Variants in HMGB1 observed in about 807,000 individuals in gnomAD.
HMGB1 encodes the protein high mobility group box 1.
For synonymous variants in HMGB1, 81 were observed against 84.0 expected (o/e 0.96, Z 0.19); for missense variants, 79 against 253.5 (o/e 0.31, Z 4.67).
intron 1 of HMGB1, among the ~76,000 whole-genome samples, chr13:30,480,009 C>T (rs1176255105): frequency 6.6e-6 from 1 of 152,240 alleles, no homozygotes; most frequent in East Asian, 1.9e-4. Flanking sequence ...TCAAACTGGA[C>T]CTTGTACTTT....
chr13:30,594,408 T>A (rs1297541701), intron 1 of HMGB1, among the ~76,000 whole-genome samples: 9 of 152,146 alleles, frequency 5.9e-5, no homozygotes, highest in African/African-American at 4.8e-5. Context: ...GTTCCCAGTG[T>A]CTACTGTTCC....
intron 1 of HMGB1, chr13:30,464,686 G>C: frequency 7.3e-6 from 7 of 963,560 alleles, no homozygotes; most frequent in Non-Finnish European, 8.6e-6. Flanking sequence ...GCACGGAATG[G>C]CCGCTGCGCG....
chr13:30,527,008 G>A (rs977820060), intron 1 of HMGB1, among the ~76,000 whole-genome samples: 1 of 152,212 alleles, frequency 6.6e-6, no homozygotes, highest in Non-Finnish European at 1.5e-5. Flanking sequence ...CTGCAGCTAC[G>A]CAGGCTCCTT....
chr13:30,612,533 T>C (rs557708001), intron 1 of HMGB1, among the ~76,000 whole-genome samples: 270 of 152,344 alleles, frequency 1.8e-3, no homozygotes, highest in African/African-American at 6.3e-3. Context: ...ATCCTCCAAC[T>C]TTCCATTTTT....
intron 1 of HMGB1, among the ~76,000 whole-genome samples, chr13:30,489,664 C>T (rs142372467): frequency 3.3e-5 from 5 of 152,050 alleles, no homozygotes; most frequent in Admixed American, 3.3e-4. Context: ...CACTGGGTCA[C>T]TCACTTCTGA....
intron 1 of HMGB1, among the ~76,000 whole-genome samples, chr13:30,595,394 A>G (rs1354388401): frequency 1.3e-5 from 2 of 152,212 alleles, no homozygotes; most frequent in African/African-American, 4.8e-5. Flanking sequence ...TGAAGGCTGT[A>G]ACGACTTCTG....
At position 30,555,288 on chromosome 13, in the gene HMGB1, G is replaced by A. The variant is rs191448158; in HGVS notation, c.-15+61383C>T. On this transcript the variant is annotated intron_variant, in intron 1 of 4. Transcript: ENST00000405805. The stretch of plus-strand genomic sequence containing the variant: ...GATCTCCTGACCTCGTGATCCGCCC[G>A]CCTCGGCCTCCCAAAATGCTGGGAT... Among the ~76,000 whole-genome samples, 8 of 152,060 alleles carry A rather than the reference G, an allele frequency of 5.3e-5. No homozygotes were observed. In the East Asian group the frequency reaches 1.2e-3, roughly 22 times the overall value.
At chr13:30,476,432 C>A (rs1887100334) in intron 1 of HMGB1, among the ~76,000 whole-genome samples, 1 of 152,116 alleles carries the variant, frequency 6.6e-6, no homozygotes, top group Non-Finnish European at 1.5e-5. Flanking sequence ...AGCCATCGCG[C>A]CCAGCCAGCA....
chr13:30,607,872 T>C (rs146861702), intron 1 of HMGB1, among the ~76,000 whole-genome samples: 1 of 152,324 alleles, frequency 6.6e-6, no homozygotes, highest in African/African-American at 2.4e-5. Context: ...ATTGGGATAT[T>C]AGACATTACT....
intron 1 of HMGB1, among the ~76,000 whole-genome samples, chr13:30,517,186 C>T (rs1433918517): frequency 6.6e-6 from 1 of 152,178 alleles, no homozygotes. Flanking sequence ...AGGTTGCTGG[C>T]CCCTGCCACC....
chr13:30,506,918 ATG>A (rs765974805), intron 1 of HMGB1, among the ~76,000 whole-genome samples: 13 of 152,094 alleles, frequency 8.5e-5, no homozygotes, highest in Non-Finnish European at 1.6e-4. Flanking sequence ...TGCTCAGGAA[ATG>A]TGTGTCAGAA....
chr13:30,518,188 A>AG (rs1323979747), intron 1 of HMGB1, among the ~76,000 whole-genome samples: 1 of 151,986 alleles, frequency 6.6e-6, no homozygotes, highest in African/African-American at 2.4e-5. Context: ...AAATAAAAAA[A>AG]TAGCTGGGTG....
chr13:30,563,975 G>T (rs1305511103), intron 1 of HMGB1, among the ~76,000 whole-genome samples: 1 of 152,120 alleles, frequency 6.6e-6, no homozygotes, highest in African/African-American at 2.4e-5. Context: ...AACCTATCTT[G>T]CTTTTCAATA....
At chr13:30,607,850 T>A (rs1349312566) in intron 1 of HMGB1, among the ~76,000 whole-genome samples, 1 of 152,202 alleles carries the variant, frequency 6.6e-6, no homozygotes, top group Non-Finnish European at 1.5e-5. Context: ...AAAATTACCA[T>A]GAAACGATTT....
At chr13:30,484,356 G>A (rs1297590366) in intron 1 of HMGB1, among the ~76,000 whole-genome samples, 1 of 152,162 alleles carries the variant, frequency 6.6e-6, no homozygotes, top group Non-Finnish European at 1.5e-5. Context: ...GATAAAGTGG[G>A]GGAAAGTAAT....
intron 1 of HMGB1, among the ~76,000 whole-genome samples, chr13:30,568,400 G>A (rs1423699469): frequency 6.6e-6 from 1 of 152,150 alleles, no homozygotes; most frequent in Non-Finnish European, 1.5e-5. Flanking sequence ...CCAGCTACTT[G>A]AGAGGCTGAG....
At chr13:30,593,605 A>G (rs1312996313) in intron 1 of HMGB1, among the ~76,000 whole-genome samples, 1 of 152,256 alleles carries the variant, frequency 6.6e-6, no homozygotes, top group Non-Finnish European at 1.5e-5. Context: ...TAGGAAGTTG[A>G]TTCTACAACA....
intron 1 of HMGB1, among the ~76,000 whole-genome samples, chr13:30,530,759 A>C (rs1414023694): frequency 6.6e-6 from 1 of 152,178 alleles, no homozygotes; most frequent in East Asian, 1.9e-4. Context: ...CAAGAACACA[A>C]ATGCAAGCTG....
At chr13:30,472,296 C>G (rs1355052053) in intron 1 of HMGB1, among the ~76,000 whole-genome samples, 1 of 151,786 alleles carries the variant, frequency 6.6e-6, no homozygotes. Context: ...AAAACTCTGA[C>G]GTAAAAAAAA....
Sources: allele counts gnomAD v4.1 joint callset (sites outside exome capture counted in the v4.1 genomes callset), GRCh38; gene constraint gnomAD v4.1.1; transcripts MANE v1.5; gene names NCBI Gene and HGNC (gene_info 2026-07-23, HGNC 2026-07-21).